The following NPAS3 variants were observed in gnomAD, a reference collection of about 807,000 sequenced individuals.
NPAS3 encodes neuronal PAS domain-containing protein 3.
In NPAS3, 14 loss-of-function variants were observed where a neutral mutation model predicts 73.1. That is an observed-to-expected ratio of 0.19 (90% confidence interval 0.13 to 0.30). The LOEUF (loss-of-function observed/expected upper bound fraction) is 0.30, where lower values mean the gene tolerates loss of function less well. Among genes scored for constraint, NPAS3 ranks in the 10% least tolerant of loss-of-function variants. The pLI is 1.00. For synonymous variants in NPAS3, 620 were observed against 541.5 expected (o/e 1.14, Z -2.01); for missense variants, 1,096 against 1,250.0 (o/e 0.88, Z 1.86).
intron 1 of NPAS3, among the ~76,000 whole-genome samples, chr14:32,946,014 A>G (rs936986043): frequency 6.6e-6 from 1 of 152,108 alleles, no homozygotes; most frequent in Non-Finnish European, 1.5e-5. Flanking sequence ...TAGTTGAAGC[A>G]TTTTTATTTT....
intron 4 of NPAS3, among the ~76,000 whole-genome samples, chr14:33,391,938 T>C (rs939718905): frequency 2.0e-5 from 3 of 152,202 alleles, no homozygotes; most frequent in African/African-American, 7.2e-5. Context: ...ATGGTATTGA[T>C]GAAGATAATC....
chr14:32,972,396 C>A (rs897659632), intron 1 of NPAS3, among the ~76,000 whole-genome samples: 2 of 152,168 alleles, frequency 1.3e-5, no homozygotes, highest in Non-Finnish European at 2.9e-5. Flanking sequence ...GAAAATAATT[C>A]ATGTCTGTTC....
intron 2 of NPAS3, among the ~76,000 whole-genome samples, chr14:33,118,548 A>G (rs181185739): frequency 9.1e-4 from 138 of 152,232 alleles, no homozygotes; most frequent in African/African-American, 3.2e-3. Context: ...GGCAAGTTCT[A>G]TCTACAAATT....
At chr14:33,245,413 C>T (rs1411720081) in intron 3 of NPAS3, among the ~76,000 whole-genome samples, 4 of 152,112 alleles carry the variant, frequency 2.6e-5, no homozygotes, top group African/African-American at 7.2e-5. Flanking sequence ...GATCCAAAGC[C>T]CTTAACTTAT....
chr14:33,148,256 A>G (rs1347770508), intron 2 of NPAS3, among the ~76,000 whole-genome samples: 2 of 152,190 alleles, frequency 1.3e-5, no homozygotes, highest in African/African-American at 2.4e-5. Context: ...TTCATCTATT[A>G]TCTCATTTCT....
intron 1 of NPAS3, among the ~76,000 whole-genome samples, chr14:32,971,531 A>G (rs567366510): frequency 6.6e-6 from 1 of 152,348 alleles, no homozygotes; most frequent in Non-Finnish European, 1.5e-5. Context: ...ATTCCCTGAG[A>G]CAACCTTTAT....
intron 3 of NPAS3, among the ~76,000 whole-genome samples, chr14:33,280,680 G>C (rs1324263393): frequency 6.6e-6 from 1 of 152,174 alleles, no homozygotes; most frequent in Non-Finnish European, 1.5e-5. Context: ...ATAATATGTT[G>C]TCAAGAAAGG....
intron 2 of NPAS3, among the ~76,000 whole-genome samples, chr14:33,178,314 C>T (rs2045671732): frequency 6.6e-6 from 1 of 152,062 alleles, no homozygotes. Context: ...ACCTCGTGAT[C>T]TGCCTGCCTC....
intron 4 of NPAS3, among the ~76,000 whole-genome samples, chr14:33,432,141 C>A (rs1276904870): frequency 6.6e-6 from 1 of 152,140 alleles, no homozygotes; most frequent in Non-Finnish European, 1.5e-5. Context: ...AGAGCTCTCA[C>A]CACCCCTCCA....
chr14:33,146,700 G>T (rs1028254888), intron 2 of NPAS3, among the ~76,000 whole-genome samples: 14 of 152,196 alleles, frequency 9.2e-5, no homozygotes, highest in African/African-American at 3.4e-4. Context: ...GCCTAGCACA[G>T]TTTCAGACAC....
At chr14:33,430,637 A>G (rs577620432) in intron 4 of NPAS3, among the ~76,000 whole-genome samples, 2 of 152,360 alleles carry the variant, frequency 1.3e-5, no homozygotes, top group African/African-American at 4.8e-5. Flanking sequence ...TTCTAGAGAC[A>G]TAAGCCAGGC....
Position 33,800,614 on chromosome 14 carries a change from G to GGGCGGC in NPAS3, c.2312_2317dup (p.Gly771_Gly772dup), listed in dbSNP as rs757978893. ...GGAACGGCGGCGGGGGCGGGGGCGGGGGCGGCGGCGCGGGGGGCGGCGGCC... is the reference window on the plus strand; with the variant it reads ...GGAACGGCGGCGGGGGCGGGGGCGGGGGCGGCGGCGGCGGCGCGGGGGGCGGCGGCC... On this transcript the variant is annotated inframe_insertion, in exon 12 of 12. Coordinates refer to ENST00000356141, the Ensembl canonical transcript of NPAS3. This position sits in a 1 kb window ranked among gnomAD's most constrained non-coding sequence, Gnocchi z 6.5. The GGGCGGC allele has an allele frequency of 3.3e-5, 44 of 1,342,364 alleles. No homozygotes were observed. The highest frequency in any genetic ancestry group is 3.8e-5 in the Non-Finnish European group (40 of 1,054,120). 83.2% of individuals were successfully genotyped at this position (1,342,364 alleles called of 1,614,324 possible).
intron 4 of NPAS3, among the ~76,000 whole-genome samples, chr14:33,513,755 C>T (rs1282620021): frequency 1.3e-5 from 2 of 151,856 alleles, no homozygotes; most frequent in African/African-American, 4.8e-5. Flanking sequence ...TCCTTCTTGA[C>T]TCCTATGATT....
At chr14:33,682,260 G>A (rs374591771) in intron 6 of NPAS3, among the ~76,000 whole-genome samples, 1 of 152,088 alleles carries the variant, frequency 6.6e-6, no homozygotes, top group East Asian at 1.9e-4. Flanking sequence ...AGCAATGATC[G>A]GGACAAGTTC....
At chr14:33,422,633 C>T (rs927935795) in intron 4 of NPAS3, among the ~76,000 whole-genome samples, 2 of 151,428 alleles carry the variant, frequency 1.3e-5, no homozygotes, top group African/African-American at 4.8e-5. Context: ...CCCTTTTATT[C>T]TCATCTATCC....
chr14:33,453,699 C>T (rs2049902081), intron 4 of NPAS3, among the ~76,000 whole-genome samples: 4 of 152,210 alleles, frequency 2.6e-5, no homozygotes, highest in Admixed American at 2.6e-4. Flanking sequence ...AATTCAGTCC[C>T]AGCTGGGCTT....
At chr14:33,099,092 G>A (rs1031379061) in intron 2 of NPAS3, among the ~76,000 whole-genome samples, 2 of 152,170 alleles carry the variant, frequency 1.3e-5, no homozygotes, top group Non-Finnish European at 2.9e-5. Context: ...ACTCAGCTCA[G>A]ATCCTCAAGG....
intron 5 of NPAS3, among the ~76,000 whole-genome samples, chr14:33,639,401 A>G (rs976423414): frequency 2.0e-4 from 31 of 152,332 alleles, no homozygotes; most frequent in African/African-American, 7.2e-4. Flanking sequence ...ATAATTTTCT[A>G]AAAAGACAAA....
chr14:33,799,779 A>T, exon 12 of NPAS3: 1 of 1,606,084 alleles, frequency 6.2e-7, no homozygotes, highest in Admixed American at 1.7e-5. Flanking sequence ...AACCAGTCCG[A>T]GAACAGCGAA....
Sources: gnomAD v4.1 joint callset for allele counts (sites outside exome capture counted in the v4.1 genomes callset) on GRCh38, gnomAD v4.1.1 for gene constraint, Gnocchi (gnomAD v3.1) non-coding constraint, MANE v1.5 for transcripts, NCBI Gene and HGNC (gene_info 2026-07-23, HGNC 2026-07-21) for gene names.